Variants in SLC9A9 observed in about 807,000 individuals in gnomAD.
SLC9A9 encodes the protein solute carrier family 9 member A9.
SLC9A9 carries 62 observed loss-of-function variants against 77.8 expected under a neutral mutation model. The ratio of observed to expected loss-of-function variants is 0.80; its 90% CI spans 0.65 to 0.98. The LOEUF is 0.98. Ranked by LOEUF, SLC9A9 falls within the 50% of genes least tolerant of loss-of-function variation. The pLI is 0.00. For missense variants in SLC9A9, 775 were observed against 774.9 expected (o/e 1.00, Z 0.00); for synonymous variants, 320 against 283.5 (o/e 1.13, Z -1.29).
At chr3:143,494,105 G>A (rs1477828305) in intron 10 of SLC9A9, among the ~76,000 whole-genome samples, 1 of 152,174 alleles carries the variant, frequency 6.6e-6, no homozygotes, top group African/African-American at 2.4e-5. Context: ...CCATTCAGAT[G>A]CTGTGGCATT....
chr3:143,639,326 T>G (rs2038582453), intron 6 of SLC9A9, among the ~76,000 whole-genome samples: 1 of 152,220 alleles, frequency 6.6e-6, no homozygotes, highest in Admixed American at 6.5e-5. Context: ...CAAGATTGGT[T>G]CTTCTCATAG....
At chr3:143,419,305 G>A (rs182993296) in intron 12 of SLC9A9, among the ~76,000 whole-genome samples, 2 of 152,066 alleles carry the variant, frequency 1.3e-5, no homozygotes, top group Non-Finnish European at 1.5e-5. Flanking sequence ...TTGCAGGGGG[G>A]GCACAGAGAG....
rs1435672911 is a variant in SLC9A9, at chr3:143,477,282, T to C, written c.1316-10092A>G. On this transcript the variant is annotated intron_variant, in intron 11 of 15. Coordinates refer to ENST00000316549, the MANE Select transcript of SLC9A9 (RefSeq NM_173653.4). ...CTTTCACCAGCTGCAAATCATGAAG[T>C]GGTTCCCAAACATAAGCTATATCAA... 2.0e-5 allele frequency among the ~76,000 whole-genome samples: 3 copies of C among 151,488 alleles called. No homozygotes were observed. In the East Asian group the frequency reaches 5.8e-4, roughly 29 times the overall value.
intron 12 of SLC9A9, among the ~76,000 whole-genome samples, chr3:143,437,369 G>A (rs928139728): frequency 1.3e-5 from 2 of 152,206 alleles, no homozygotes; most frequent in Admixed American, 1.3e-4. Flanking sequence ...GAACTGCCCT[G>A]GTCCTTGGCC....
At chr3:143,698,316 G>A (rs1253213463) in intron 4 of SLC9A9, among the ~76,000 whole-genome samples, 1 of 152,244 alleles carries the variant, frequency 6.6e-6, no homozygotes, top group East Asian at 1.9e-4. Context: ...TAATAACATT[G>A]ATTTCAACAA....
At chr3:143,458,757 A>G (rs985512527) in intron 12 of SLC9A9, among the ~76,000 whole-genome samples, 2 of 152,124 alleles carry the variant, frequency 1.3e-5, no homozygotes, top group African/African-American at 4.8e-5. Context: ...GACAATGTTA[A>G]AATTTTTCCT....
intron 12 of SLC9A9, among the ~76,000 whole-genome samples, chr3:143,393,759 T>C (rs1441217437): frequency 2.6e-5 from 4 of 151,562 alleles, no homozygotes; most frequent in Non-Finnish European, 1.5e-5. Context: ...TAAAAAATGA[T>C]AAAGAGGATA....
chr3:143,647,621 T>C (rs1242076), intron 6 of SLC9A9, among the ~76,000 whole-genome samples: 89,045 of 152,074 alleles, frequency 0.59, 26,212 homozygotes, highest in African/African-American at 0.61. Context: ...TTTTTTCTGA[T>C]TGTTATTCTA....
intron 13 of SLC9A9, among the ~76,000 whole-genome samples, chr3:143,368,889 C>A (rs1330894769): frequency 6.6e-6 from 1 of 152,046 alleles, no homozygotes; most frequent in Non-Finnish European, 1.5e-5. Context: ...ATATTTTTTT[C>A]AAATTTACAT....
rs142544376 is a variant in SLC9A9 at position 143,387,931 on chromosome 3, G to A, written c.1470-5817C>T. ...CCAAAAAGGCACTGAAATACTACTA[G>A]GGCTTAGTTTCATTGTGTGAATTCC... On this transcript the variant is annotated intron_variant, in intron 12 of 15. Coordinates refer to ENST00000316549, the MANE Select transcript of SLC9A9 (RefSeq NM_173653.4). Among the ~76,000 whole-genome samples the A allele has an allele frequency of 3.6e-3, 553 of 152,274 alleles. 3 individuals are homozygous for A. Among genetic ancestry groups the A allele is most frequent in the African/African-American group, 0.013 (541 of 41,542 alleles).
At chr3:143,722,464 C>G (rs1391389019) in intron 4 of SLC9A9, among the ~76,000 whole-genome samples, 1 of 83,816 alleles carries the variant, frequency 1.2e-5, no homozygotes, top group Middle Eastern at 6.7e-3. Flanking sequence ...CAGAGCGAGA[C>G]TCCATCTCAA....
At chr3:143,285,223 G>A (rs1457855429) in intron 14 of SLC9A9, among the ~76,000 whole-genome samples, 3 of 152,048 alleles carry the variant, frequency 2.0e-5, no homozygotes, top group Non-Finnish European at 4.4e-5. Flanking sequence ...CCTAATGCTA[G>A]CCCTCTCCTA....
Position 143,734,151 on chromosome 3 carries a change from T to C in SLC9A9, c.534-40844A>G, listed in dbSNP as rs370775627. Among the ~76,000 whole-genome samples the C allele has an allele frequency of 1.9e-4, 29 of 151,986 alleles. No individual in the cohort carries two copies. The South Asian group carries it at 5.6e-3, about 29-fold the overall frequency. ...ATTTGAGGTTATAGTGAGCTATGAT[T>C]GCACCACTGCACTCCAGCCTGGGCA... On this transcript the variant is annotated intron_variant, in intron 4 of 15. Transcript: ENST00000316549.
intron 8 of SLC9A9, among the ~76,000 whole-genome samples, chr3:143,568,344 T>C (rs1361229224): frequency 1.3e-5 from 2 of 151,948 alleles, no homozygotes; most frequent in Non-Finnish European, 2.9e-5. Context: ...TCCATTGGAG[T>C]TGGGGGTAGT....
intron 15 of SLC9A9, among the ~76,000 whole-genome samples, chr3:143,267,157 A>T (rs1937749663): frequency 6.6e-6 from 1 of 152,052 alleles, no homozygotes; most frequent in Non-Finnish European, 1.5e-5. Flanking sequence ...CTGAGGTAAG[A>T]GGTGTTAAAG....
chr3:143,300,708 C>T (rs115593294), intron 14 of SLC9A9, among the ~76,000 whole-genome samples: 2,242 of 152,216 alleles, frequency 0.015, 54 homozygotes, highest in African/African-American at 0.05. Flanking sequence ...TTTAAAAGCC[C>T]GGAGTCTGAT....
intron 12 of SLC9A9, among the ~76,000 whole-genome samples, chr3:143,399,620 T>C (rs1489254383): frequency 6.6e-6 from 1 of 152,158 alleles, no homozygotes; most frequent in Non-Finnish European, 1.5e-5. Flanking sequence ...CTACGGAAAG[T>C]GCACAGCATG....
chr3:143,689,726 T>C (rs1464895488), intron 5 of SLC9A9, among the ~76,000 whole-genome samples: 1 of 152,092 alleles, frequency 6.6e-6, no homozygotes, highest in Admixed American at 6.6e-5. Context: ...GATTCTTATA[T>C]GTTGTTATAA....
intron 12 of SLC9A9, among the ~76,000 whole-genome samples, chr3:143,425,496 T>C (rs1441046738): frequency 6.6e-6 from 1 of 152,206 alleles, no homozygotes; most frequent in African/African-American, 2.4e-5. Flanking sequence ...AACAATGTAC[T>C]GGCTGGAATG....
Sources: gnomAD v4.1 joint callset for allele counts (sites outside exome capture counted in the v4.1 genomes callset) on GRCh38, gnomAD v4.1.1 for gene constraint, MANE v1.5 for transcripts, NCBI Gene and HGNC (gene_info 2026-07-23, HGNC 2026-07-21) for gene names.